The following NCAM2 variants were observed in gnomAD, a reference collection of about 807,000 sequenced individuals.
NCAM2 encodes N-CAM-2.
In NCAM2, 30 loss-of-function variants were observed where a neutral mutation model predicts 98.1. That is an observed-to-expected ratio of 0.31 (90% CI 0.23 to 0.41). NCAM2 has a LOEUF of 0.41. Ranked by LOEUF, NCAM2 falls within the 10% of genes least tolerant of loss-of-function variation. NCAM2 has a pLI of 1.00. For synonymous variants in NCAM2, 368 were observed against 342.4 expected, an observed-to-expected ratio of 1.07 and a Z score of -0.83; for missense variants, 867 against 1,005.8, an observed-to-expected ratio of 0.86 and a Z score of 1.87.
At chr21:21,107,126 G>A (rs1429129062) in intron 1 of NCAM2, among the ~76,000 whole-genome samples, 1 of 152,034 alleles carries the variant, frequency 6.6e-6, no homozygotes, top group East Asian at 1.9e-4. Context: ...AAAACGTCTG[G>A]TAATAACAGC....
intron 5 of NCAM2, among the ~76,000 whole-genome samples, chr21:21,322,043 C>T (rs919293350): frequency 1.3e-5 from 2 of 152,142 alleles, no homozygotes; most frequent in African/African-American, 4.8e-5. Context: ...ATAGCAAGGA[C>T]ATGGAGTCAA....
chr21:21,036,431 G>A (rs936439003), intron 1 of NCAM2, among the ~76,000 whole-genome samples: 2 of 152,082 alleles, frequency 1.3e-5, no homozygotes, highest in Non-Finnish European at 2.9e-5. Context: ...CACCAAAATG[G>A]TAGGGAAGTT....
intron 12 of NCAM2, among the ~76,000 whole-genome samples, chr21:21,438,439 C>A (rs1350771449): frequency 5.3e-5 from 8 of 152,116 alleles, no homozygotes; most frequent in Non-Finnish European, 1.5e-5. Flanking sequence ...TTATTATATT[C>A]TTTTTGAAGG....
Position 21,238,912 on chromosome 21 carries a change from A to G in NCAM2, c.56-41666A>G, listed in dbSNP as rs2070952584. Among the ~76,000 whole-genome samples, 9 of 152,306 alleles carry G rather than the reference A, an allele frequency of 5.9e-5. No individual in the cohort carries two copies. The South Asian group carries it at 1.9e-3, about 32-fold the overall frequency. ...CACATGGCGTAATCTTCTCAGAGCAATTCCCCTCAGTGGGTCATTACAGCA... is the reference window on the plus strand; with the variant it reads ...CACATGGCGTAATCTTCTCAGAGCAGTTCCCCTCAGTGGGTCATTACAGCA... On this transcript the variant is annotated intron_variant, in intron 1 of 17. Coordinates refer to ENST00000400546, the MANE Select transcript of NCAM2 (RefSeq NM_004540.5).
rs2146030609 is a variant in NCAM2 at position 21,432,260 on chromosome 21, G to C, written c.1633G>C (p.Val545Leu). The change falls in exon 12 of 18, where the codon GTA (valine) becomes CTA (leucine). Residue 545 changes from valine to leucine, a missense_variant. Val to Leu is a conservative substitution (Grantham distance 32). Around this residue, in one of 5 missense-constraint regions of NCAM2, gnomAD observed 234 missense variants for 333.8 expected, o/e 0.70. Transcript: ENST00000400546. ...AGTAGCGTCAGAAATCTGGAAAATTGTACGCTCCCATGGAGTTCAAAGTGA... is the reference window on the plus strand; with the variant it reads ...AGTAGCGTCAGAAATCTGGAAAATTCTACGCTCCCATGGAGTTCAAAGTGA... ...KEVASEIWKI[V>L]RSHGVQTMVV... The C allele has an allele frequency of 1.9e-6, 3 of 1,613,970 alleles. No homozygotes were observed. Among genetic ancestry groups the C allele is most frequent in the South Asian group, 2.2e-5 (2 of 91,072 alleles).
At chr21:21,398,462 GAC>G (rs2076562002) in intron 9 of NCAM2, among the ~76,000 whole-genome samples, 1 of 152,288 alleles carries the variant, frequency 6.6e-6, no homozygotes, top group Admixed American at 6.5e-5. Context: ...GGCAGATTGA[GAC>G]AGCTAGTACA....
intron 15 of NCAM2, among the ~76,000 whole-genome samples, chr21:21,478,142 C>A (rs997271142): frequency 2.6e-5 from 4 of 152,074 alleles, no homozygotes; most frequent in Non-Finnish European, 5.9e-5. Flanking sequence ...GATAAATGCT[C>A]TTGAAGTAAA....
intron 1 of NCAM2, among the ~76,000 whole-genome samples, chr21:21,029,059 G>A (rs1029398670): frequency 6.6e-6 from 1 of 152,102 alleles, no homozygotes; most frequent in Non-Finnish European, 1.5e-5. Flanking sequence ...AGAATGAAAT[G>A]AGTAACATGT....
intron 16 of NCAM2, among the ~76,000 whole-genome samples, chr21:21,517,488 G>A (rs1004218418): frequency 5.9e-5 from 9 of 152,110 alleles, no homozygotes; most frequent in African/African-American, 2.2e-4. Flanking sequence ...AAAGCTATGT[G>A]TTCTTCTTGT....
At chr21:21,446,410 A>C (rs28769376) in intron 12 of NCAM2, among the ~76,000 whole-genome samples, 22,718 of 151,984 alleles carry the variant, frequency 0.15, 1,745 homozygotes, top group African/African-American at 0.17. Flanking sequence ...CCTGGATAAT[A>C]TCCTGAAGTA....
At chr21:21,064,814 T>A (rs1182643810) in intron 1 of NCAM2, among the ~76,000 whole-genome samples, 1 of 152,164 alleles carries the variant, frequency 6.6e-6, no homozygotes, top group Non-Finnish European at 1.5e-5. Context: ...AACCTAGATG[T>A]CAAATGAGTT....
At chr21:21,417,452 G>T (rs2077017487) in intron 10 of NCAM2, among the ~76,000 whole-genome samples, 1 of 151,794 alleles carries the variant, frequency 6.6e-6, no homozygotes, top group African/African-American at 2.4e-5. Context: ...ATCTTCAATG[G>T]GCCTCAAAAT....
intron 1 of NCAM2, among the ~76,000 whole-genome samples, chr21:21,183,941 G>C (rs1230267293): frequency 6.6e-6 from 1 of 152,106 alleles, no homozygotes; most frequent in East Asian, 1.9e-4. Context: ...CATGTAAAGA[G>C]ATGGGATTGA....
At chr21:21,393,737 T>C (rs987745905) in intron 9 of NCAM2, among the ~76,000 whole-genome samples, 2 of 152,172 alleles carry the variant, frequency 1.3e-5, no homozygotes, top group African/African-American at 4.8e-5. Flanking sequence ...TCATTTAATC[T>C]TTGTTTTCTA....
Position 21,350,574 on chromosome 21 carries a change from G to A in NCAM2, c.1044+12040G>A, listed in dbSNP as rs980455915. Among the ~76,000 whole-genome samples the A allele has an allele frequency of 3.9e-5, 6 of 152,078 alleles. No homozygotes were observed. In the South Asian group the frequency reaches 1.2e-3, roughly 32 times the overall value. ...GGAAGATATTGAACTGTTGAACTGT[G>A]CATATGAATACAGCACAAAATAGCT... is the stretch of plus-strand genomic sequence containing the variant. On this transcript the variant is annotated intron_variant, in intron 8 of 17. Transcript: ENST00000400546.
intron 1 of NCAM2, among the ~76,000 whole-genome samples, chr21:21,161,473 T>C (rs1341291651): frequency 6.6e-6 from 1 of 151,876 alleles, no homozygotes; most frequent in Admixed American, 6.6e-5. Flanking sequence ...AAACGATTAT[T>C]TCAGATGATA....
intron 1 of NCAM2, among the ~76,000 whole-genome samples, chr21:21,162,506 C>T (rs906866670): frequency 4.6e-5 from 7 of 152,000 alleles, no homozygotes; most frequent in African/African-American, 1.7e-4. Flanking sequence ...ATATATATCA[C>T]AATTTACATA....
intron 5 of NCAM2, among the ~76,000 whole-genome samples, chr21:21,319,601 A>G (rs112481085): frequency 6.6e-6 from 1 of 152,182 alleles, no homozygotes; most frequent in Non-Finnish European, 1.5e-5. Context: ...AGATCATACC[A>G]CTGCACTCCA....
At chr21:21,282,417 A>T (rs1477959389) in intron 2 of NCAM2, among the ~76,000 whole-genome samples, 1 of 151,840 alleles carries the variant, frequency 6.6e-6, no homozygotes, top group Admixed American at 6.6e-5. Context: ...CTAAGTAAGC[A>T]TTTATTTTCT....
Sources: allele counts gnomAD v4.1 joint callset (sites outside exome capture counted in the v4.1 genomes callset), GRCh38; gene constraint gnomAD v4.1.1; regional missense constraint gnomAD v4.1.1; transcripts MANE v1.5; gene names NCBI Gene and HGNC (gene_info 2026-07-23, HGNC 2026-07-21).